The following TAFA1 variants were observed in gnomAD, a reference collection of about 807,000 sequenced individuals.
The protein encoded by TAFA1 is TAFA chemokine like family member 1.
In TAFA1, 4 loss-of-function variants were observed where a neutral mutation model predicts 18.5. The observed-to-expected ratio is 0.22, with a 90% CI of 0.11 to 0.49. The LOEUF (loss-of-function observed/expected upper bound fraction) is 0.49. TAFA1 is among the 20% of genes least tolerant of loss of function. The pLI, the probability that TAFA1 is intolerant of heterozygous loss-of-function variation, is 0.98. For missense variants in TAFA1, 147 were observed against 169.0 expected (o/e 0.87, Z 0.72); for synonymous variants, 56 against 55.2 (o/e 1.01, Z -0.06).
chr3:68,434,627 C>A (rs1382930721), intron 3 of TAFA1, among the ~76,000 whole-genome samples: 1 of 152,010 alleles, frequency 6.6e-6, no homozygotes, highest in Admixed American at 6.6e-5. Context: ...AAACATGTAT[C>A]AGGATGAATT....
At chr3:68,005,321 T>C (rs1210254812) in intron 1 of TAFA1, among the ~76,000 whole-genome samples, 2 of 152,206 alleles carry the variant, frequency 1.3e-5, no homozygotes, top group Non-Finnish European at 2.9e-5. Flanking sequence ...ATGCTCCATC[T>C]GAATCACAGA....
At chr3:68,543,939 C>T (rs992148006) in intron 4 of TAFA1, among the ~76,000 whole-genome samples, 1 of 152,026 alleles carries the variant, frequency 6.6e-6, no homozygotes, top group Non-Finnish European at 1.5e-5. Flanking sequence ...TGTGGTCTAA[C>T]CTTGACAACG....
At chr3:68,189,597 A>T (rs993325861) in intron 2 of TAFA1, among the ~76,000 whole-genome samples, 1 of 151,772 alleles carries the variant, frequency 6.6e-6, no homozygotes, top group African/African-American at 2.4e-5. Flanking sequence ...AATGACTGGT[A>T]CTCAGTCAAG....
chr3:68,288,018 C>G (rs926329055), intron 2 of TAFA1, among the ~76,000 whole-genome samples: 1 of 151,854 alleles, frequency 6.6e-6, no homozygotes, highest in African/African-American at 2.4e-5. Context: ...TGTCCAGGAG[C>G]CATGGTAAAT....
At chr3:68,436,653 T>C (rs1434060706) in intron 3 of TAFA1, among the ~76,000 whole-genome samples, 1 of 152,102 alleles carries the variant, frequency 6.6e-6, no homozygotes, top group Non-Finnish European at 1.5e-5. Flanking sequence ...TTGTACAAAA[T>C]AGAATAAATT....
At chr3:68,491,981 C>T (rs2072461499) in intron 3 of TAFA1, among the ~76,000 whole-genome samples, 1 of 152,124 alleles carries the variant, frequency 6.6e-6, no homozygotes. Flanking sequence ...GATGACCTAC[C>T]TCAATAGTAA....
intron 3 of TAFA1, among the ~76,000 whole-genome samples, chr3:68,509,808 G>A (rs1283147482): frequency 6.6e-6 from 1 of 152,068 alleles, no homozygotes; most frequent in South Asian, 2.1e-4. Flanking sequence ...CACTGCCAGG[G>A]AGCAGAGGAT....
At chr3:68,348,209 T>C (rs543035487) in intron 2 of TAFA1, among the ~76,000 whole-genome samples, 3 of 152,278 alleles carry the variant, frequency 2.0e-5, no homozygotes, top group African/African-American at 7.2e-5. Context: ...CCATTGCCTG[T>C]AAGATGAAAT....
chr3:68,320,284 G>A (rs1398433459), intron 2 of TAFA1, among the ~76,000 whole-genome samples: 1 of 152,158 alleles, frequency 6.6e-6, no homozygotes, highest in Non-Finnish European at 1.5e-5. Flanking sequence ...TCCCCTCCAA[G>A]TTGAATGGAT....
At chr3:68,212,405 T>A (rs2066607987) in intron 2 of TAFA1, among the ~76,000 whole-genome samples, 1 of 152,002 alleles carries the variant, frequency 6.6e-6, no homozygotes, top group Non-Finnish European at 1.5e-5. Flanking sequence ...CTTTGTGTTT[T>A]GGGATGCTCA....
intron 3 of TAFA1, among the ~76,000 whole-genome samples, chr3:68,461,490 G>A (rs1185298845): frequency 6.6e-6 from 1 of 150,872 alleles, no homozygotes; most frequent in Non-Finnish European, 1.5e-5. Context: ...CAGCCGCTCT[G>A]GCTGTTCTCA....
chr3:68,330,284 C>T (rs13323258), intron 2 of TAFA1, among the ~76,000 whole-genome samples: 7,659 of 152,208 alleles, frequency 0.05, 235 homozygotes, highest in African/African-American at 0.086. Flanking sequence ...TTTCCTGAAA[C>T]CATCAATCTG....
At chr3:68,493,852 T>A (rs2072497611) in intron 3 of TAFA1, among the ~76,000 whole-genome samples, 1 of 152,136 alleles carries the variant, frequency 6.6e-6, no homozygotes, top group Admixed American at 6.6e-5. Flanking sequence ...TCATGCACAG[T>A]GGGGTGAGAC....
chr3:68,301,377 G>T (rs923108272), intron 2 of TAFA1, among the ~76,000 whole-genome samples: 6 of 151,990 alleles, frequency 3.9e-5, no homozygotes, highest in African/African-American at 1.5e-4. Flanking sequence ...TCTTTTTATA[G>T]GTGCATAGTA....
chr3:68,192,526 A>G, intron 2 of TAFA1: 1 of 177,366 alleles, frequency 5.6e-6, no homozygotes, highest in East Asian at 1.6e-4. Context: ...ATTTGACAGG[A>G]GCATCTCTAG....
chr3:68,188,717 ACT>A (rs2066301744), intron 2 of TAFA1, among the ~76,000 whole-genome samples: 1 of 151,764 alleles, frequency 6.6e-6, no homozygotes, highest in Non-Finnish European at 1.5e-5. Context: ...GTTTTTTTAA[ACT>A]CTGAATTCCA....
intron 2 of TAFA1, among the ~76,000 whole-genome samples, chr3:68,064,153 G>A (rs1362443190): frequency 6.6e-6 from 1 of 152,154 alleles, no homozygotes; most frequent in Non-Finnish European, 1.5e-5. Flanking sequence ...GCAAACCCAG[G>A]TGGAGAGGTA....
intron 2 of TAFA1, among the ~76,000 whole-genome samples, chr3:68,332,434 T>C (rs1359783127): frequency 1.3e-5 from 2 of 152,014 alleles, no homozygotes; most frequent in Non-Finnish European, 2.9e-5. Flanking sequence ...AACTAAAAAG[T>C]TATTGCACAG....
intron 2 of TAFA1, among the ~76,000 whole-genome samples, chr3:68,283,689 T>G (rs2067943506): frequency 6.6e-6 from 1 of 152,236 alleles, no homozygotes. Flanking sequence ...GCCTGGCATA[T>G]TATAAGTATC....
Sources: gnomAD v4.1 joint callset for allele counts (sites outside exome capture counted in the v4.1 genomes callset) on GRCh38, gnomAD v4.1.1 for gene constraint, MANE v1.5 for transcripts, NCBI Gene and HGNC (gene_info 2026-07-23, HGNC 2026-07-21) for gene names.